The following COBL variants were observed in gnomAD, a reference collection of about 807,000 sequenced individuals.
COBL encodes the protein cordon-bleu WH2 repeat protein.
Under a neutral mutation model 98.8 loss-of-function variants are expected in COBL, and 51 were observed. The observed-to-expected ratio is 0.52, with a 90% CI of 0.41 to 0.65. The LOEUF (loss-of-function observed/expected upper bound fraction) is 0.65. Among genes scored for constraint, COBL ranks in the 30% least tolerant of loss-of-function variants. COBL has a pLI of 0.00. For missense variants in COBL, 1,617 were observed against 1,617.5 expected (o/e 1.00, Z 0.01); for synonymous variants, 634 against 651.7 (o/e 0.97, Z 0.41).
At chr7:51,149,642 T>C (rs559149051) in intron 5 of COBL, among the ~76,000 whole-genome samples, 1 of 152,370 alleles carries the variant, frequency 6.6e-6, no homozygotes, top group South Asian at 2.1e-4. Context: ...AGTCTCACTG[T>C]GTCGCCCAGG....
intron 7 of COBL, among the ~76,000 whole-genome samples, chr7:51,045,669 A>T (rs1789620918): frequency 6.6e-6 from 1 of 152,210 alleles, no homozygotes; most frequent in Admixed American, 6.5e-5. Context: ...AGCACCTGGT[A>T]CATGCCCTCT....
chr7:51,076,209 A>T (rs1793058169), intron 7 of COBL, among the ~76,000 whole-genome samples: 1 of 152,226 alleles, frequency 6.6e-6, no homozygotes, highest in Non-Finnish European at 1.5e-5. Context: ...TTTGTGTCAC[A>T]AGCTTTAGAA....
intron 2 of COBL, among the ~76,000 whole-genome samples, chr7:51,211,851 A>T (rs890474630): frequency 6.6e-6 from 1 of 152,194 alleles, no homozygotes; most frequent in African/African-American, 2.4e-5. Flanking sequence ...ACAGACATCA[A>T]GAAAAATCTC....
intron 1 of COBL, among the ~76,000 whole-genome samples, chr7:51,316,042 C>T (rs1186055969): frequency 6.6e-6 from 1 of 152,216 alleles, no homozygotes; most frequent in Non-Finnish European, 1.5e-5. Context: ...TCCGGGCAAT[C>T]CGAACACCTT....
intron 1 of COBL, among the ~76,000 whole-genome samples, chr7:51,275,928 C>T (rs537750319): frequency 1.3e-5 from 2 of 152,232 alleles, no homozygotes; most frequent in African/African-American, 4.8e-5. Flanking sequence ...GTGAGGTTGT[C>T]TGTTTTAATA....
intron 6 of COBL, among the ~76,000 whole-genome samples, chr7:51,126,109 C>T (rs564898786): frequency 6.6e-6 from 1 of 152,302 alleles, no homozygotes; most frequent in African/African-American, 2.4e-5. Flanking sequence ...GAACAGATTA[C>T]TTGAGGTCAG....
rs188726418 is a variant in COBL, at chr7:51,241,512, C to T, written c.42-21568G>A. On this transcript the variant is annotated intron_variant, in intron 1 of 12. Transcript: ENST00000265136. ...AACCAATGCTCCTCGGCCGTTCCCA[C>T]GATCACCGATTAACATTTTAGTGAT... 1.6e-4 allele frequency among the ~76,000 whole-genome samples: 25 copies of T among 152,244 alleles called. No individual in the cohort carries two copies. In the East Asian group the frequency reaches 4.4e-3, roughly 27 times the overall value.
chr7:51,029,652 G>A, intron 9 of COBL, 61 bp from the exon 10 acceptor site: 1 of 1,366,392 alleles, frequency 7.3e-7, no homozygotes, highest in East Asian at 2.3e-5. Flanking sequence ...TAGTGTAACT[G>A]CAGCCATGAC....
intron 1 of COBL, among the ~76,000 whole-genome samples, chr7:51,277,920 CAAGT>C (rs1799455547): frequency 6.6e-6 from 1 of 152,246 alleles, no homozygotes; most frequent in African/African-American, 2.4e-5. Context: ...GAGGAACTAG[CAAGT>C]AAGAGAGGAC....
At chr7:51,022,354 A>T (rs1349922498) in intron 12 of COBL, among the ~76,000 whole-genome samples, 3 of 152,222 alleles carry the variant, frequency 2.0e-5, no homozygotes, top group Non-Finnish European at 2.9e-5. Flanking sequence ...AGCAGCTGAC[A>T]GATGGCTGAG....
intron 1 of COBL, among the ~76,000 whole-genome samples, chr7:51,243,747 G>A (rs911543827): frequency 2.6e-5 from 4 of 152,120 alleles, no homozygotes; most frequent in Non-Finnish European, 5.9e-5. Flanking sequence ...AGTTGGGGAC[G>A]GCAGGAGGAG....
chr7:51,187,662 T>C (rs1449782324), intron 4 of COBL, among the ~76,000 whole-genome samples: 2 of 152,126 alleles, frequency 1.3e-5, no homozygotes, highest in African/African-American at 2.4e-5. Context: ...TGTAACAGCC[T>C]CCCTCATTTC....
chr7:51,125,082 G>T (rs538910632), intron 6 of COBL, among the ~76,000 whole-genome samples: 15 of 152,296 alleles, frequency 9.8e-5, no homozygotes, highest in Non-Finnish European at 1.6e-4. Flanking sequence ...CAAAGTGCTG[G>T]GATTACAGGC....
chr7:51,017,059 C>G lies in COBL; in HGVS notation c.*492G>C, dbSNP rs920429098. On this transcript the variant is annotated 3_prime_UTR_variant, in exon 13 of 13. Coordinates refer to ENST00000265136, the MANE Select transcript of COBL (RefSeq NM_015198.5). The stretch of plus-strand genomic sequence containing the variant: ...GCCTCCCAATTTTTTTTTCTTACTA[C>G]CAAAACACACAGCATCATGGAGCAT... 3 of 402,092 alleles carry G rather than the reference C, an allele frequency of 7.5e-6. No homozygotes were observed. Among genetic ancestry groups the G allele is most frequent in the Non-Finnish European group, 1.3e-5 (3 of 228,442 alleles). 24.9% of individuals were successfully genotyped at this position (402,092 alleles called of 1,614,324 possible). A position where few individuals can be genotyped will look rare whatever the true frequency, so the allele number is the denominator to read the frequency against.
At chr7:51,118,576 C>A (rs1797480495) in intron 6 of COBL, among the ~76,000 whole-genome samples, 1 of 151,682 alleles carries the variant, frequency 6.6e-6, no homozygotes, top group Non-Finnish European at 1.5e-5. Context: ...GTTCCAAATT[C>A]CAATTCACTC....
intron 1 of COBL, among the ~76,000 whole-genome samples, chr7:51,233,561 C>T (rs892887027): frequency 6.6e-6 from 1 of 152,228 alleles, no homozygotes; most frequent in African/African-American, 2.4e-5. Context: ...TGAAAGGCAT[C>T]TCTGCCGCCT....
intron 8 of COBL, chr7:51,033,185 C>A (rs575833853): frequency 1.3e-5 from 2 of 152,256 alleles, no homozygotes; most frequent in African/African-American, 4.8e-5. Flanking sequence ...ATCTGACAGA[C>A]CCACACTTGT....
intron 1 of COBL, among the ~76,000 whole-genome samples, chr7:51,262,631 G>T (rs1335431329): frequency 1.3e-5 from 2 of 152,180 alleles, no homozygotes. Context: ...GGCAACATTC[G>T]CCATGCAGTC....
rs185031747 is a variant in COBL, at chr7:51,310,753, G to A, written c.41+5840C>T. On this transcript the variant is annotated intron_variant, in intron 1 of 12. Coordinates refer to ENST00000265136, the MANE Select transcript of COBL (RefSeq NM_015198.5). ...CGGCTCACTGTAACCTCTGCCTCCC[G>A]GTTCAAGCGATTCTCCTGCCTCAGC... 5.3e-5 allele frequency among the ~76,000 whole-genome samples: 8 copies of A among 151,618 alleles called. No homozygotes were observed. The East Asian group carries it at 1.2e-3, about 23-fold the overall frequency.
Sources: gnomAD v4.1 joint callset for allele counts (sites outside exome capture counted in the v4.1 genomes callset) on GRCh38, gnomAD v4.1.1 for gene constraint, MANE v1.5 for transcripts, NCBI Gene and HGNC (gene_info 2026-07-23, HGNC 2026-07-21) for gene names.